PRLR: variants seen among roughly 807,000 people sequenced by gnomAD.
The protein encoded by PRLR is hPRL receptor.
Under a neutral mutation model 40.2 loss-of-function variants are expected in PRLR, and 13 were observed. That is an observed-to-expected ratio of 0.32 (90% CI 0.21 to 0.51). PRLR has a LOEUF of 0.51. Among genes scored for constraint, PRLR ranks in the 20% least tolerant of loss-of-function variants. PRLR has a pLI of 0.97. For synonymous variants in PRLR, 269 were observed against 278.7 expected, an observed-to-expected ratio of 0.97 and a Z score of 0.35; for missense variants, 656 against 747.3, an observed-to-expected ratio of 0.88 and a Z score of 1.42.
intron 1 of PRLR, chr5:35,195,166 C>T (rs538663273): frequency 6.6e-6 from 1 of 152,394 alleles, no homozygotes; most frequent in Admixed American, 6.5e-5. Context: ...CCTCTCTCTG[C>T]CTTCCAGTGC....
At chr5:35,167,999 G>A (rs928496859) in intron 1 of PRLR, among the ~76,000 whole-genome samples, 3 of 151,776 alleles carry the variant, frequency 2.0e-5, no homozygotes, top group Non-Finnish European at 4.4e-5. Context: ...GACCAAGAAG[G>A]TTGAAAATAA....
At chr5:35,121,484 A>C (rs1232205035) in intron 1 of PRLR, among the ~76,000 whole-genome samples, 1 of 152,160 alleles carries the variant, frequency 6.6e-6, no homozygotes, top group Non-Finnish European at 1.5e-5. Flanking sequence ...TCTTTAAATC[A>C]AATCTTGCTG....
chr5:35,088,994 G>A (rs1340613760), intron 3 of PRLR, among the ~76,000 whole-genome samples: 2 of 152,170 alleles, frequency 1.3e-5, no homozygotes, highest in African/African-American at 4.8e-5. Context: ...ACCCAGAAAT[G>A]CACATGGGTT....
At chr5:35,194,236 G>A (rs551145423) in intron 1 of PRLR, among the ~76,000 whole-genome samples, 1 of 152,300 alleles carries the variant, frequency 6.6e-6, no homozygotes, top group Admixed American at 6.5e-5. Flanking sequence ...TGCCTACAAA[G>A]TGCTGGGCTC....
Position 35,068,300 on chromosome 5 carries a change from A to G in PRLR, c.786-15T>C. ...AGGTCACCATGCTATAAAATAATTC[A>G]TGAGATTGGCTAAATGACTCATTTC... is the stretch of plus-strand genomic sequence containing the variant. On this transcript the variant is annotated splice_polypyrimidine_tract_variant and intron_variant, in intron 8 of 9. Coordinates refer to ENST00000618457, the MANE Select transcript of PRLR (RefSeq NM_000949.7). 1 of 1,601,724 alleles carries G rather than the reference A, an allele frequency of 6.2e-7. No individual in the cohort carries two copies. Among genetic ancestry groups the G allele is most frequent in the Non-Finnish European group, 8.6e-7 (1 of 1,168,742 alleles).
chr5:35,082,811 A>G (rs904582315), intron 5 of PRLR, among the ~76,000 whole-genome samples: 1 of 152,208 alleles, frequency 6.6e-6, no homozygotes. Context: ...CTGCAGGGTT[A>G]TAGGAGAGTT....
chr5:35,225,717 T>C (rs1776530331), intron 1 of PRLR, among the ~76,000 whole-genome samples: 1 of 152,246 alleles, frequency 6.6e-6, no homozygotes, highest in Admixed American at 6.5e-5. Context: ...AGTCTCACTC[T>C]TTCACCCAGG....
rs113710365 is a variant in PRLR, at chr5:35,219,151, G to A, written c.-106+11117C>T. 5.2e-4 allele frequency among the ~76,000 whole-genome samples: 79 copies of A among 152,222 alleles called. 1 individual carries two copies. Among genetic ancestry groups the A allele is most frequent in the African/African-American group, 1.6e-3 (65 of 41,546 alleles). ...CCATCTCCCCACCAGTCCAACTCCC[G>A]GAAGCCCGGCCCAGTTTTAGTGTCT... On this transcript the variant is annotated intron_variant, in intron 1 of 9. Transcript: ENST00000618457.
intron 1 of PRLR, among the ~76,000 whole-genome samples, chr5:35,193,745 C>A (rs777234957): frequency 1.3e-5 from 2 of 152,162 alleles, no homozygotes; most frequent in Non-Finnish European, 2.9e-5. Flanking sequence ...GCACAGCTGC[C>A]GCATCATCCT....
chr5:35,183,407 T>C (rs1464222596), intron 1 of PRLR, among the ~76,000 whole-genome samples: 2 of 152,116 alleles, frequency 1.3e-5, no homozygotes, highest in Non-Finnish European at 2.9e-5. Flanking sequence ...ACCCAGTGAG[T>C]TGCCAATGTC....
chr5:35,210,556 G>A (rs1456474841), intron 1 of PRLR, among the ~76,000 whole-genome samples: 1 of 151,878 alleles, frequency 6.6e-6, no homozygotes, highest in Non-Finnish European at 1.5e-5. Context: ...CAGATCACAA[G>A]TAGAGTCCTG....
intron 1 of PRLR, among the ~76,000 whole-genome samples, chr5:35,197,872 C>T (rs1775778370): frequency 1.3e-5 from 2 of 152,258 alleles, no homozygotes; most frequent in South Asian, 4.1e-4. Context: ...TGAGGGCATG[C>T]CTTGGACATG....
At chr5:35,088,281 T>C (rs934972449) in intron 3 of PRLR, among the ~76,000 whole-genome samples, 1 of 152,216 alleles carries the variant, frequency 6.6e-6, no homozygotes, top group Admixed American at 6.5e-5. Context: ...GCTCATCCTC[T>C]AGGAACAATT....
chr5:35,123,957 A>G (rs1773374637), intron 1 of PRLR, among the ~76,000 whole-genome samples: 1 of 152,174 alleles, frequency 6.6e-6, no homozygotes. Context: ...AATTTCTGAA[A>G]GAATTATAAC....
chr5:35,188,041 A>C (rs936053678), intron 1 of PRLR, among the ~76,000 whole-genome samples: 2 of 152,136 alleles, frequency 1.3e-5, no homozygotes, highest in African/African-American at 4.8e-5. Flanking sequence ...ACTTTGGCCT[A>C]TTGTGTCAGC....
chr5:35,205,064 G>A (rs1775979530), intron 1 of PRLR, among the ~76,000 whole-genome samples: 1 of 152,056 alleles, frequency 6.6e-6, no homozygotes, highest in African/African-American at 2.4e-5. Flanking sequence ...CTGTATGTGT[G>A]TAAAATCGGG....
chr5:35,127,559 T>C (rs527400580), intron 1 of PRLR, among the ~76,000 whole-genome samples: 1 of 152,328 alleles, frequency 6.6e-6, no homozygotes, highest in East Asian at 1.9e-4. Flanking sequence ...CAATTCAGAT[T>C]AAAGAGATCA....
intron 1 of PRLR, among the ~76,000 whole-genome samples, chr5:35,215,053 A>C (rs1436802476): frequency 6.6e-6 from 1 of 152,086 alleles, no homozygotes; most frequent in African/African-American, 2.4e-5. Flanking sequence ...AAGGAGCCTA[A>C]CAATCTATCA....
At chr5:35,124,055 C>T (rs1475049879) in intron 1 of PRLR, among the ~76,000 whole-genome samples, 5 of 152,174 alleles carry the variant, frequency 3.3e-5, no homozygotes, top group Non-Finnish European at 1.5e-5. Flanking sequence ...GGACAATGTA[C>T]TAGCTCTCAG....
Sources: allele counts gnomAD v4.1 joint callset (sites outside exome capture counted in the v4.1 genomes callset), GRCh38; gene constraint gnomAD v4.1.1; transcripts MANE v1.5; gene names NCBI Gene and HGNC (gene_info 2026-07-23, HGNC 2026-07-21).